The following AFG2A variants were observed in gnomAD, a reference collection of about 807,000 sequenced individuals.
The protein encoded by AFG2A is ATPase family gene 2 protein homolog A.
the AFG2A span, among the ~76,000 whole-genome samples, chr4:123,122,079 C>T: frequency 2.0e-5 from 3 of 152,146 alleles, no homozygotes; most frequent in African/African-American, 7.2e-5. Flanking sequence ...TTTGCTGCCT[C>T]ACCGATTTAC....
At chr4:123,143,069 T>C in the AFG2A span, among the ~76,000 whole-genome samples, 1 of 151,624 alleles carries the variant, frequency 6.6e-6, no homozygotes, top group South Asian at 2.1e-4. Flanking sequence ...CCTAAACCAG[T>C]AAGTATGTAT....
chr4:123,284,198 G>A, the AFG2A span, among the ~76,000 whole-genome samples: 1 of 152,102 alleles, frequency 6.6e-6, no homozygotes, highest in Non-Finnish European at 1.5e-5. Flanking sequence ...TTAGATCTTG[G>A]TACATTTTTT....
chr4:123,058,126 T>C, the AFG2A span, among the ~76,000 whole-genome samples: 18 of 152,148 alleles, frequency 1.2e-4, no homozygotes, highest in Non-Finnish European at 2.4e-4. Flanking sequence ...CATTAGGAGG[T>C]AGACTGCTAT....
the AFG2A span, among the ~76,000 whole-genome samples, chr4:123,188,904 A>C: frequency 6.6e-6 from 1 of 152,236 alleles, no homozygotes; most frequent in Non-Finnish European, 1.5e-5. Flanking sequence ...TTACAAGTTT[A>C]TCAAGTGAAT....
At chr4:122,948,766 C>G in the AFG2A span, among the ~76,000 whole-genome samples, 283 of 152,198 alleles carry the variant, frequency 1.9e-3, 2 homozygotes, top group African/African-American at 6.6e-3. Flanking sequence ...GCATCCTCCC[C>G]CCAGCAACTT....
chr4:123,132,378 G>T, the AFG2A span, among the ~76,000 whole-genome samples: 1 of 151,914 alleles, frequency 6.6e-6, no homozygotes, highest in Admixed American at 6.6e-5. Flanking sequence ...AGATCATGTA[G>T]TACTTGTCCT....
the AFG2A span, among the ~76,000 whole-genome samples, chr4:123,061,408 C>G: frequency 1.3e-5 from 2 of 152,172 alleles, no homozygotes; most frequent in Non-Finnish European, 2.9e-5. Flanking sequence ...CTCATTAGTT[C>G]CACATCGCTG....
chr4:123,082,955 A>G, the AFG2A span, among the ~76,000 whole-genome samples: 2 of 152,070 alleles, frequency 1.3e-5, no homozygotes, highest in Non-Finnish European at 2.9e-5. Flanking sequence ...AATTTGAAAC[A>G]CTTTTTAATT....
the AFG2A span, among the ~76,000 whole-genome samples, chr4:122,929,654 G>A: frequency 2.6e-5 from 4 of 151,946 alleles, no homozygotes; most frequent in African/African-American, 7.3e-5. Flanking sequence ...AGCTGGGATC[G>A]CGCCACTGCA....
chr4:122,944,944 A>G, the AFG2A span, among the ~76,000 whole-genome samples: 5,260 of 152,178 alleles, frequency 0.035, 296 homozygotes, highest in African/African-American at 0.12. Flanking sequence ...GTGTCTGCAG[A>G]ACAGTGGATT....
At chr4:123,077,508 C>T in the AFG2A span, among the ~76,000 whole-genome samples, 238 of 152,196 alleles carry the variant, frequency 1.6e-3, 2 homozygotes, top group African/African-American at 5.5e-3. Flanking sequence ...GGGTCAGAAA[C>T]GAATGACTTC....
chr4:123,118,250 CAAACA>C, the AFG2A span, among the ~76,000 whole-genome samples: 1 of 93,950 alleles, frequency 1.1e-5, no homozygotes, highest in Admixed American at 1.1e-4. Context: ...TTTTTTAACA[CAAACA>C]AAAAAATATG....
At chr4:122,943,649 T>G in the AFG2A span, among the ~76,000 whole-genome samples, 1 of 152,076 alleles carries the variant, frequency 6.6e-6, no homozygotes, top group Non-Finnish European at 1.5e-5. Context: ...AAAGTTAATA[T>G]CGTTATGTGT....
chr4:123,107,898 T>G, the AFG2A span, among the ~76,000 whole-genome samples: 1 of 152,220 alleles, frequency 6.6e-6, no homozygotes, highest in South Asian at 2.1e-4. Flanking sequence ...GCCCAGAGCC[T>G]GCGCCACAAT....
chr4:122,979,140 G>C, the AFG2A span: 4 of 1,452,612 alleles, frequency 2.8e-6, no homozygotes, highest in African/African-American at 2.8e-5. Flanking sequence ...TGTCTTCACT[G>C]TTGCCACTCC....
the AFG2A span, among the ~76,000 whole-genome samples, chr4:123,257,550 G>A: frequency 2.0e-5 from 3 of 152,126 alleles, no homozygotes; most frequent in African/African-American, 4.8e-5. Flanking sequence ...AAAGCCATGT[G>A]GAAAGTAGCT....
chr4:123,167,212 G>GAT, the AFG2A span, among the ~76,000 whole-genome samples: 1 of 147,990 alleles, frequency 6.8e-6, no homozygotes, highest in Non-Finnish European at 1.5e-5. Flanking sequence ...ATATATATTT[G>GAT]ATATATATAC....
chr4:122,939,075 CTTTTTTTTTTTTTTTT>C, the AFG2A span, among the ~76,000 whole-genome samples: 5,916 of 102,240 alleles, frequency 0.058, 536 homozygotes, highest in African/African-American at 0.2. Flanking sequence ...TATGTTCTTT[CTTTTTTTTTTTTTTTT>C]TTTTTTTTTT....
the AFG2A span, among the ~76,000 whole-genome samples, chr4:123,305,050 A>G: frequency 6.6e-6 from 1 of 152,210 alleles, no homozygotes; most frequent in African/African-American, 2.4e-5. Flanking sequence ...AGGTGAATGA[A>G]TTCAGCTATC....
Sources: allele counts gnomAD v4.1 joint callset (sites outside exome capture counted in the v4.1 genomes callset), GRCh38; gene constraint gnomAD v4.1.1; transcripts MANE v1.5; gene names NCBI Gene and HGNC (gene_info 2026-07-23, HGNC 2026-07-21).